Variants in BEGAIN observed in about 807,000 individuals in gnomAD.
BEGAIN encodes brain-enriched guanylate kinase-associated protein.
Under a neutral mutation model 35.8 loss-of-function variants are expected in BEGAIN, and 19 were observed. That is an observed-to-expected ratio of 0.53 (90% CI 0.37 to 0.78). The LOEUF (loss-of-function observed/expected upper bound fraction) is 0.78. Among genes scored for constraint, BEGAIN ranks in the 30% least tolerant of loss-of-function variants. The probability of loss-of-function intolerance (pLI) is 0.00; values close to 1 mark genes in which losing one functional copy is unlikely to be tolerated. For synonymous variants in BEGAIN, 462 were observed against 388.6 expected, an observed-to-expected ratio of 1.19 and a Z score of -2.22; for missense variants, 795 against 853.6, an observed-to-expected ratio of 0.93 and a Z score of 0.85.
intron 5 of BEGAIN, among the ~76,000 whole-genome samples, chr14:100,541,210 G>A (rs984767421): frequency 1.3e-5 from 2 of 152,250 alleles, no homozygotes; most frequent in South Asian, 2.1e-4. Context: ...GTGTGGCTTC[G>A]CCACTGAAAA....
At chr14:100,582,023 C>T (rs1035890906) in intron 1 of BEGAIN, among the ~76,000 whole-genome samples, 4 of 152,272 alleles carry the variant, frequency 2.6e-5, no homozygotes, top group Non-Finnish European at 4.4e-5. Flanking sequence ...TGAGGGGTCT[C>T]GGGTAAACCC....
Position 100,538,466 on chromosome 14 carries a change from A to C in BEGAIN, c.1342T>G (p.Tyr448Asp). The C allele has an allele frequency of 6.3e-7, 1 of 1,583,826 alleles. No individual in the cohort carries two copies. Among genetic ancestry groups the C allele is most frequent in the Non-Finnish European group, 8.6e-7 (1 of 1,167,256 alleles). ...RPLSVEDIGA[Y>D]SYPVSAAGRA... ...CCGGCAGCGCTCACGGGGTAGGAGT[A>C]GGCGCCGATGTCCTCCACGCTCAGG... The change falls in exon 7 of 7, where the codon TAC becomes GAC. Residue 448 changes from tyrosine to aspartate, a missense_variant. Tyr to Asp is a radical substitution (Grantham distance 160). Coordinates refer to ENST00000554140, the MANE Select transcript of BEGAIN (RefSeq NM_001385089.1).
In BEGAIN at chr14:100,538,128, G is replaced by A; in HGVS notation, c.1680C>T (p.Ser560=). Residue 560 remains serine (S), a synonymous_variant, in exon 7 of 7, where the codon TCC becomes TCT. Coordinates refer to ENST00000554140, the MANE Select transcript of BEGAIN (RefSeq NM_001385089.1). ...TGGAGCTCGGCTCCAAGGAGTCCCT[G>A]GAACCCTGCTCGGGCTCAGGGCTGC... The part of the protein sequence containing the change: ...TASSPEPEQG[S]RDSLEPSSME... 1 of 1,551,486 alleles carries A rather than the reference G, an allele frequency of 6.4e-7. No individual in the cohort carries two copies. Among genetic ancestry groups the A allele is most frequent in the Non-Finnish European group, 8.7e-7 (1 of 1,151,742 alleles).
chr14:100,578,856 C>CTTT (rs529546763), intron 1 of BEGAIN, among the ~76,000 whole-genome samples: 3,607 of 126,942 alleles, frequency 0.028, 225 homozygotes, highest in African/African-American at 0.098. Flanking sequence ...GCCTCTGGTA[C>CTTT]TTTTTTTTTT....
At chr14:100,550,694 G>C (rs2033105788) in intron 2 of BEGAIN, among the ~76,000 whole-genome samples, 1 of 152,164 alleles carries the variant, frequency 6.6e-6, no homozygotes, top group Non-Finnish European at 1.5e-5. Context: ...TTGGGGATGT[G>C]GGTACCAGAG....
chr14:100,540,276 G>T, intron 6 of BEGAIN: 4 of 568,256 alleles, frequency 7.0e-6, no homozygotes, highest in Non-Finnish European at 1.3e-5. Context: ...GGGCCAAAGG[G>T]ACTCTGGTGA....
At chr14:100,574,104 G>T (rs1440940235) in intron 1 of BEGAIN, among the ~76,000 whole-genome samples, 1 of 152,212 alleles carries the variant, frequency 6.6e-6, no homozygotes, top group Non-Finnish European at 1.5e-5. Context: ...ATCCCCAAGG[G>T]CCTCGCTGGT....
At chr14:100,555,841 C>T (rs574824230) in intron 2 of BEGAIN, among the ~76,000 whole-genome samples, 261 of 152,330 alleles carry the variant, frequency 1.7e-3, no homozygotes, top group Middle Eastern at 3.4e-3. Context: ...CGTGCCCGCC[C>T]AGGCCTGGGC....
intron 1 of BEGAIN, among the ~76,000 whole-genome samples, chr14:100,570,823 C>T (rs946107861): frequency 6.6e-6 from 1 of 152,212 alleles, no homozygotes; most frequent in African/African-American, 2.4e-5. Context: ...CGGTGATTTT[C>T]GTGAGACCCT....
intron 2 of BEGAIN, chr14:100,550,311 C>T: frequency 2.5e-6 from 1 of 397,774 alleles, no homozygotes; most frequent in Non-Finnish European, 4.4e-6. Flanking sequence ...TCACCTTCAC[C>T]TTCTGGGCCT....
rs923312243 is a variant in BEGAIN, at chr14:100,567,387, T to C, written c.71+524A>G. On this transcript the variant is annotated intron_variant, in intron 2 of 6. Transcript: ENST00000554140. This position sits in a 1 kb window ranked among gnomAD's most constrained non-coding sequence, Gnocchi z 5.1. ...CCCCAAAATGGCTCCAAGACGCGGC[T>C]GCCTGGTCCAGCCGCGAGGACTCCA... is the stretch of plus-strand genomic sequence containing the variant. Among the ~76,000 whole-genome samples, 2 of 149,690 alleles carry C rather than the reference T, an allele frequency of 1.3e-5. No homozygotes were observed. The highest frequency in any genetic ancestry group is 4.5e-4 in the South Asian group (2 of 4,410).
At chr14:100,540,454 T>A (rs903219997) in intron 6 of BEGAIN, 42 bp downstream of exon 6, 1 of 1,458,112 alleles carries the variant, frequency 6.9e-7, no homozygotes, top group Non-Finnish European at 9.4e-7. Flanking sequence ...AGGAGCCCGG[T>A]GGTCCCGGGG....
rs1393326694 is a variant in BEGAIN, at chr14:100,563,059, C to T, written c.71+4852G>A. Among the ~76,000 whole-genome samples the T allele has an allele frequency of 6.6e-6, 1 of 152,168 alleles. No individual in the cohort carries two copies. The highest frequency in any genetic ancestry group is 1.5e-5 in the Non-Finnish European group (1 of 68,030). ...GGGGGCGTGGAGGGGCAGGGCAGGA[C>T]AGGGTCAGGACCTTCGAGGCCACCT... On this transcript the variant is annotated intron_variant, in intron 2 of 6. Coordinates refer to ENST00000554140, the MANE Select transcript of BEGAIN (RefSeq NM_001385089.1). This position sits in a 1 kb window ranked among gnomAD's most constrained non-coding sequence, Gnocchi z 4.2.
At chr14:100,543,427 C>T (rs2031935240) in intron 5 of BEGAIN, among the ~76,000 whole-genome samples, 1 of 152,092 alleles carries the variant, frequency 6.6e-6, no homozygotes, top group Admixed American at 6.5e-5. Flanking sequence ...GCAACTGGGC[C>T]CATCTCACAG....
chr14:100,556,104 A>G (rs1471269862), intron 2 of BEGAIN, among the ~76,000 whole-genome samples: 1 of 152,072 alleles, frequency 6.6e-6, no homozygotes, highest in Non-Finnish European at 1.5e-5. Context: ...TTTGGTCATC[A>G]CCAGCTCAAT....
Position 100,567,860 on chromosome 14 carries a change from C to A in BEGAIN, c.71+51G>T. On this transcript the variant is annotated intron_variant, in intron 2 of 6. Transcript: ENST00000554140. This position sits in a 1 kb window ranked among gnomAD's most constrained non-coding sequence, Gnocchi z 5.1. Reference sequence around the variant, plus strand: ...CTTCCCCCGCCTTCCCCAGCGCCCTCACCCCCGACCCGGCCCCCGCGAGCC... The same window carrying A: ...CTTCCCCCGCCTTCCCCAGCGCCCTAACCCCCGACCCGGCCCCCGCGAGCC... 1 of 1,449,644 alleles carries A rather than the reference C, an allele frequency of 6.9e-7. No individual in the cohort carries two copies. Among genetic ancestry groups the A allele is most frequent in the Admixed American group, 2.3e-5 (1 of 43,486 alleles). The allele number at this position is 1,449,644 out of a possible 1,614,324, so 89.8% of individuals were successfully genotyped here.
intron 1 of BEGAIN, among the ~76,000 whole-genome samples, chr14:100,576,567 C>T (rs898060240): frequency 2.0e-5 from 3 of 152,312 alleles, no homozygotes; most frequent in African/African-American, 7.2e-5. Flanking sequence ...AAACCCATCC[C>T]ACGGCCTCCG....
rs2034439353 is a variant in BEGAIN, at chr14:100,563,421, T to C, written c.71+4490A>G. 6.6e-6 allele frequency among the ~76,000 whole-genome samples: 1 copy of C among 152,252 alleles called. No individual in the cohort carries two copies. ...CAACAAAATTAAAATTAAGAACTTT[T>C]GTTCATAGAAGGACCGTGTGAACAG... is the stretch of plus-strand genomic sequence containing the variant. On this transcript the variant is annotated intron_variant, in intron 2 of 6. Coordinates refer to ENST00000554140, the MANE Select transcript of BEGAIN (RefSeq NM_001385089.1). The surrounding 1 kb of genome is among the most constrained non-coding windows in gnomAD (Gnocchi z 4.2).
intron 1 of BEGAIN, among the ~76,000 whole-genome samples, chr14:100,580,835 G>C (rs2035300915): frequency 6.6e-6 from 1 of 152,160 alleles, no homozygotes; most frequent in Non-Finnish European, 1.5e-5. Context: ...GGCATAGCAG[G>C]TTCAGGCTGT....
Sources: gnomAD v4.1 joint callset for allele counts (sites outside exome capture counted in the v4.1 genomes callset) on GRCh38, gnomAD v4.1.1 for gene constraint, Gnocchi (gnomAD v3.1) non-coding constraint, MANE v1.5 for transcripts, NCBI Gene and HGNC (gene_info 2026-07-23, HGNC 2026-07-21) for gene names.